Variants in RBMS3 observed in about 807,000 individuals in gnomAD.
RBMS3 encodes RNA binding motif single stranded interacting protein 3.
A neutral mutation model predicts 66.8 loss-of-function variants in RBMS3; 27 were observed. The ratio of observed to expected loss-of-function variants is 0.40; its 90% CI spans 0.30 to 0.56. The LOEUF (loss-of-function observed/expected upper bound fraction) is 0.56, where lower values mean the gene tolerates loss of function less well. Ranked by LOEUF, RBMS3 falls within the 20% of genes least tolerant of loss-of-function variation. The probability of loss-of-function intolerance (pLI) is 0.40; values close to 1 mark genes in which losing one functional copy is unlikely to be tolerated. For missense variants in RBMS3, 513 were observed against 549.5 expected, an observed-to-expected ratio of 0.93 and a Z score of 0.66; for synonymous variants, 188 against 183.0, an observed-to-expected ratio of 1.03 and a Z score of -0.22.
chr3:29,898,049 C>A (rs2060168607), intron 9 of RBMS3, among the ~76,000 whole-genome samples: 1 of 151,648 alleles, frequency 6.6e-6, no homozygotes, highest in Non-Finnish European at 1.5e-5. Flanking sequence ...TGTTGGAATG[C>A]TGGAAAGTCT....
intron 1 of RBMS3, among the ~76,000 whole-genome samples, chr3:29,358,873 T>C (rs1324880149): frequency 6.6e-6 from 1 of 152,228 alleles, no homozygotes; most frequent in Non-Finnish European, 1.5e-5. Flanking sequence ...GTAAGAATGC[T>C]TGTGATTTTT....
At chr3:29,486,764 A>C (rs984745854) in intron 2 of RBMS3, among the ~76,000 whole-genome samples, 1 of 152,176 alleles carries the variant, frequency 6.6e-6, no homozygotes. Flanking sequence ...ACTATGAAAC[A>C]CAGTAATGTT....
chr3:29,387,552 T>G (rs2039062815), intron 1 of RBMS3, among the ~76,000 whole-genome samples: 1 of 152,096 alleles, frequency 6.6e-6, no homozygotes, highest in Admixed American at 6.5e-5. Context: ...TAAACCTGCT[T>G]ATATCCCTGC....
chr3:29,666,177 A>C (rs2050748141), intron 4 of RBMS3, among the ~76,000 whole-genome samples: 1 of 152,210 alleles, frequency 6.6e-6, no homozygotes, highest in Non-Finnish European at 1.5e-5. Context: ...GTCACTTGAT[A>C]AGTTGACCAC....
chr3:29,726,472 C>A (rs910721688), intron 4 of RBMS3, among the ~76,000 whole-genome samples: 2 of 152,176 alleles, frequency 1.3e-5, no homozygotes, highest in African/African-American at 2.4e-5. Context: ...ATTGTCTCAG[C>A]GCAAAAACTC....
intron 12 of RBMS3, among the ~76,000 whole-genome samples, chr3:29,984,650 C>T (rs947093694): frequency 2.0e-5 from 3 of 152,056 alleles, no homozygotes; most frequent in Admixed American, 6.6e-5. Context: ...GTTAGTTTTC[C>T]TTCTAACAGT....
chr3:29,702,071 C>CT (rs2052624616), intron 4 of RBMS3, among the ~76,000 whole-genome samples: 1 of 152,180 alleles, frequency 6.6e-6, no homozygotes, highest in Admixed American at 6.5e-5. Flanking sequence ...AATCAGCACT[C>CT]TGTGTCTAGC....
At chr3:29,425,159 C>T (rs530887478) in intron 1 of RBMS3, among the ~76,000 whole-genome samples, 1 of 135,994 alleles carries the variant, frequency 7.4e-6, no homozygotes, top group Admixed American at 8.4e-5. Context: ...CTGGCTAACA[C>T]AGTGAAACAC....
intron 4 of RBMS3, among the ~76,000 whole-genome samples, chr3:29,631,042 C>T (rs951330886): frequency 2.6e-5 from 4 of 151,844 alleles, no homozygotes; most frequent in East Asian, 3.9e-4. Context: ...GACCTAATAT[C>T]CTCTAATGCT....
intron 6 of RBMS3, among the ~76,000 whole-genome samples, chr3:29,830,154 T>G (rs116010914): frequency 1.3e-5 from 2 of 151,998 alleles, no homozygotes; most frequent in African/African-American, 4.8e-5. Flanking sequence ...TTTTTTTTTG[T>G]CCACTTGTGA....
intron 3 of RBMS3, among the ~76,000 whole-genome samples, chr3:29,509,279 A>G (rs929449423): frequency 6.6e-6 from 1 of 152,110 alleles, no homozygotes; most frequent in African/African-American, 2.4e-5. Flanking sequence ...AATTATTTAC[A>G]TGCCACATGG....
rs371416292 is a variant in RBMS3, at chr3:29,991,247, C to T, written c.1307+38C>T. The T allele has an allele frequency of 3.7e-6, 6 of 1,613,352 alleles. No homozygotes were observed. The African/African-American group carries it at 4.0e-5, about 11-fold the overall frequency. On this transcript the variant is annotated intron_variant, in intron 14 of 14. Transcript: ENST00000383767. ...TGTGCTAAGCTCTTTTCCTCAAGAT[C>T]AGCCATCTTGACATCACTCTCTCAT...
intron 2 of RBMS3, among the ~76,000 whole-genome samples, chr3:29,437,324 G>T (rs1178518893): frequency 6.6e-6 from 1 of 152,190 alleles, no homozygotes; most frequent in African/African-American, 2.4e-5. Context: ...ATCCATTTCT[G>T]CATAGAATTG....
rs1258281965 is a variant in RBMS3 at position 29,884,472 on chromosome 3, C to CTCTCTT, written c.791+264_791+265insTCTCTT. Among the ~76,000 whole-genome samples, 9 of 75,682 alleles carry CTCTCTT rather than the reference C, an allele frequency of 1.2e-4. 1 individual carries two copies. The highest frequency in any genetic ancestry group is 1.0e-3 in the South Asian group (2 of 1,942). The allele number at this position is 75,682 out of a possible 152,430, so 49.7% of individuals were successfully genotyped here. On this transcript the variant is annotated intron_variant, in intron 8 of 14. Transcript: ENST00000383767. ...TCTCTCTCTCTCTCTCTCTCTCTCCCCCCCCGCTCCCTCCCTCCCTCCCTC... is the reference window on the plus strand; with the variant it reads ...TCTCTCTCTCTCTCTCTCTCTCTCCCTCTCTTCCCCCGCTCCCTCCCTCCCTCCCTC...
chr3:29,685,106 G>T (rs569961713), intron 4 of RBMS3, among the ~76,000 whole-genome samples: 65 of 151,930 alleles, frequency 4.3e-4, no homozygotes, highest in African/African-American at 1.4e-3. Flanking sequence ...TCACCCAGGC[G>T]GGAGTGCAGT....
intron 6 of RBMS3, among the ~76,000 whole-genome samples, chr3:29,802,105 T>C (rs1373656142): frequency 6.6e-6 from 1 of 152,210 alleles, no homozygotes; most frequent in Non-Finnish European, 1.5e-5. Flanking sequence ...TTTGCTTATT[T>C]TCTCTGGTGT....
intron 1 of RBMS3, among the ~76,000 whole-genome samples, chr3:29,326,367 T>G (rs1268406067): frequency 1.3e-5 from 2 of 152,318 alleles, no homozygotes; most frequent in East Asian, 3.9e-4. Context: ...ACTTTCTGTT[T>G]ATTAAAATGA....
intron 3 of RBMS3, among the ~76,000 whole-genome samples, chr3:29,526,567 A>ATTTG (rs750455690): frequency 4.1e-4 from 51 of 124,718 alleles, no homozygotes; most frequent in Admixed American, 9.0e-4. Flanking sequence ...AAAAAAAAAA[A>ATTTG]GTTTGAGAAG....
At chr3:29,717,806 T>C (rs1285870840) in intron 4 of RBMS3, among the ~76,000 whole-genome samples, 3 of 152,076 alleles carry the variant, frequency 2.0e-5, no homozygotes, top group Non-Finnish European at 2.9e-5. Flanking sequence ...CTTAGCGGAG[T>C]GGCAAATTGA....
Sources: gnomAD v4.1 joint callset for allele counts (sites outside exome capture counted in the v4.1 genomes callset) on GRCh38, gnomAD v4.1.1 for gene constraint, MANE v1.5 for transcripts, NCBI Gene and HGNC (gene_info 2026-07-23, HGNC 2026-07-21) for gene names.